The following RASGRF1 variants were observed in gnomAD, a reference collection of about 807,000 sequenced individuals.
The protein encoded by RASGRF1 is Ras protein specific guanine nucleotide releasing factor 1.
A neutral mutation model predicts 138.7 loss-of-function variants in RASGRF1; 40 were observed. The ratio of observed to expected loss-of-function variants is 0.29; its 90% CI spans 0.22 to 0.38. RASGRF1 has a LOEUF of 0.38. RASGRF1 is among the 10% of genes least tolerant of loss of function. The pLI is 1.00. For synonymous variants in RASGRF1, 614 were observed against 663.2 expected (o/e 0.93, Z 1.14); for missense variants, 1,108 against 1,650.4 (o/e 0.67, Z 5.69).
Position 79,032,006 on chromosome 15 carries a change from C to T in RASGRF1, c.1152+117G>A, listed in dbSNP as rs554712217. On this transcript the variant is annotated intron_variant, in intron 7 of 26. Transcript: ENST00000558480. This position sits in a 1 kb window ranked among gnomAD's most constrained non-coding sequence, Gnocchi z 4.5. ...GGCTGCTGGCCCTGACCACCTCCCC[C>T]GCCCCCTTTGGCAGCCCAGAGCTGG... 4.8e-5 allele frequency: 61 copies of T among 1,275,558 alleles called. No individual in the cohort carries two copies. Among genetic ancestry groups the T allele is most frequent in the Admixed American group, 1.2e-4 (5 of 41,694 alleles). The allele number at this position is 1,275,558 out of a possible 1,614,324, so 79.0% of individuals were successfully genotyped here.
chr15:78,988,458 G>A (rs919017070), intron 22 of RASGRF1, among the ~76,000 whole-genome samples: 2 of 152,194 alleles, frequency 1.3e-5, no homozygotes, highest in Admixed American at 1.3e-4. Context: ...AGAGGCACAC[G>A]AGTCTCCTTT....
rs773404839 is a variant in RASGRF1, at chr15:78,964,012, C to T, written c.3682-1776G>A. Among the ~76,000 whole-genome samples, 6 of 151,980 alleles carry T rather than the reference C, an allele frequency of 3.9e-5. 1 individual carries two copies. The South Asian group carries it at 1.0e-3, about 26-fold the overall frequency. On this transcript the variant is annotated intron_variant, in intron 26 of 26. Coordinates refer to ENST00000558480, the MANE Select transcript of RASGRF1 (RefSeq NM_001145648.3). ...TGTGCAGGATCAATTTTAGTAGAGA[C>T]GGGGTTTTGTCATGTTGGCCAGGCT... is the stretch of plus-strand genomic sequence containing the variant.
At position 79,088,287 on chromosome 15, in the gene RASGRF1, C is replaced by T. The variant is rs75368199; in HGVS notation, c.276+1936G>A. Among the ~76,000 whole-genome samples, 1,349 of 152,246 alleles carry T rather than the reference C, an allele frequency of 8.9e-3. 24 individuals are homozygous for T. Among genetic ancestry groups the T allele is most frequent in the African/African-American group, 0.029 (1,187 of 41,536 alleles). ...CATCTGGTGACCTAAATAGCTCTGT[C>T]CAGGTGGGTATAATTCAGATTCAAC... On this transcript the variant is annotated intron_variant, in intron 1 of 26. Coordinates refer to ENST00000558480, the MANE Select transcript of RASGRF1 (RefSeq NM_001145648.3).
chr15:78,982,070 G>A (rs2056046241), intron 23 of RASGRF1, among the ~76,000 whole-genome samples: 1 of 152,166 alleles, frequency 6.6e-6, no homozygotes, highest in Non-Finnish European at 1.5e-5. Flanking sequence ...ACCTATCCCT[G>A]GCATGCCGAC....
chr15:78,971,844 AC>A (rs2055767185), intron 26 of RASGRF1, 21 bp downstream of exon 26: 1 of 1,549,490 alleles, frequency 6.5e-7, no homozygotes, highest in South Asian at 1.1e-5. Flanking sequence ...CATGCAAGTG[AC>A]CAGGAAAAGG....
intron 13 of RASGRF1, among the ~76,000 whole-genome samples, chr15:79,010,444 C>T (rs2056773939): frequency 6.6e-6 from 1 of 152,204 alleles, no homozygotes; most frequent in Non-Finnish European, 1.5e-5. Flanking sequence ...CAGAGCTGTG[C>T]TTCCAGACTC....
rs1443258704 is a variant in RASGRF1, at chr15:78,978,926, A to C, written c.3494+1694T>G. On this transcript the variant is annotated intron_variant, in intron 24 of 26. Transcript: ENST00000558480. ...GCAGGGGAATGTGGGAGAGACACTTACACGGGCCCACAGGCCACCTGAAAG... is the reference window on the plus strand; with the variant it reads ...GCAGGGGAATGTGGGAGAGACACTTCCACGGGCCCACAGGCCACCTGAAAG... The C allele has an allele frequency of 7.8e-6, 10 of 1,274,018 alleles. No individual in the cohort carries two copies. In the Admixed American group the frequency reaches 2.3e-4, roughly 30 times the overall value. The allele number at this position is 1,274,018 out of a possible 1,614,324, so 78.9% of individuals were successfully genotyped here. A position where few individuals can be genotyped will look rare whatever the true frequency, so the allele number is the denominator to read the frequency against.
chr15:79,074,138 C>T (rs1002103030), intron 1 of RASGRF1, among the ~76,000 whole-genome samples: 4 of 152,200 alleles, frequency 2.6e-5, no homozygotes, highest in African/African-American at 7.2e-5. Context: ...TCCCTTGGGG[C>T]GCTTGCTAAA....
At chr15:79,033,800 G>A (rs989673994) in intron 6 of RASGRF1, among the ~76,000 whole-genome samples, 1 of 151,942 alleles carries the variant, frequency 6.6e-6, no homozygotes, top group Non-Finnish European at 1.5e-5. Context: ...ATGTTGGCCA[G>A]GCTGGTCTCG....
At chr15:79,059,293 C>CCTATCCTTCCCTTCCCTTCT (rs2057558723) in intron 2 of RASGRF1, among the ~76,000 whole-genome samples, 1 of 132,412 alleles carries the variant, frequency 7.6e-6, no homozygotes, top group Non-Finnish European at 1.7e-5. Context: ...CCTTCCCTTC[C>CCTATCCTTCCCTTCCCTTCT]CTATCCTTCC....
chr15:78,982,157 T>C (rs1336531083), intron 23 of RASGRF1, among the ~76,000 whole-genome samples: 3 of 152,154 alleles, frequency 2.0e-5, no homozygotes, highest in African/African-American at 7.2e-5. Flanking sequence ...GTCCAGGTGT[T>C]CCCTAAGGCA....
chr15:79,015,690 A>G (rs554301063), intron 12 of RASGRF1, among the ~76,000 whole-genome samples: 1 of 152,350 alleles, frequency 6.6e-6, no homozygotes, highest in Non-Finnish European at 1.5e-5. Flanking sequence ...CACTGGGTTG[A>G]TTACAAACAA....
chr15:79,007,865 CT>C (rs576133293), intron 13 of RASGRF1, among the ~76,000 whole-genome samples: 144 of 142,290 alleles, frequency 1.0e-3, no homozygotes, highest in East Asian at 4.5e-3. Context: ...TCTAGTTTTT[CT>C]TTTTTTTTTT....
rs1026812712 is a variant in RASGRF1, at chr15:79,032,372, C to T, written c.959-56G>A. 3.9e-6 allele frequency: 6 copies of T among 1,550,202 alleles called. No homozygotes were observed. The Admixed American group carries it at 6.9e-5, about 18-fold the overall frequency. On this transcript the variant is annotated intron_variant, in intron 6 of 26. Coordinates refer to ENST00000558480, the MANE Select transcript of RASGRF1 (RefSeq NM_001145648.3). This position sits in a 1 kb window ranked among gnomAD's most constrained non-coding sequence, Gnocchi z 4.5. ...AGGGCAGCTTGGTGGGGACAGAATCCCCTAGGCCCTTGGCTCCCCCAGCTA... is the reference window on the plus strand; with the variant it reads ...AGGGCAGCTTGGTGGGGACAGAATCTCCTAGGCCCTTGGCTCCCCCAGCTA...
chr15:79,087,671 G>T (rs1325927329), intron 1 of RASGRF1, among the ~76,000 whole-genome samples: 1 of 152,250 alleles, frequency 6.6e-6, no homozygotes, highest in Non-Finnish European at 1.5e-5. Context: ...ATGCCATGGG[G>T]CACCCAAGTC....
intron 11 of RASGRF1, 118 bp downstream of exon 11, chr15:79,019,923 C>T (rs752587973): frequency 3.3e-4 from 412 of 1,264,608 alleles, no homozygotes; most frequent in Non-Finnish European, 4.4e-4. Context: ...ACCTCCCCTC[C>T]GCACTTCAGC....
chr15:79,020,231 G>C, intron 10 of RASGRF1, 127 bp from the exon 11 acceptor site: 2 of 829,492 alleles, frequency 2.4e-6, no homozygotes, highest in East Asian at 5.0e-5. Context: ...ATGTATGGAT[G>C]GATATATTAT....
rs570513508 is a variant in RASGRF1, at chr15:79,015,513, A to G, written c.1744-104T>C. 9 of 1,020,480 alleles carry G rather than the reference A, an allele frequency of 8.8e-6. No individual in the cohort carries two copies. In the East Asian group the frequency reaches 2.2e-4, roughly 25 times the overall value. The allele number at this position is 1,020,480 out of a possible 1,614,324, so 63.2% of individuals were successfully genotyped here. ...AAGTTCACATGCCTCAGTCTGATAC[A>G]GGGTCCTCAAGCTTCAAGGGCATTG... On this transcript the variant is annotated intron_variant, in intron 12 of 26. Transcript: ENST00000558480.
At chr15:79,062,982 T>C (rs994694949) in intron 2 of RASGRF1, among the ~76,000 whole-genome samples, 2 of 152,156 alleles carry the variant, frequency 1.3e-5, no homozygotes, top group Non-Finnish European at 2.9e-5. Flanking sequence ...AGCATTTCAA[T>C]GCTACCAATC....
Sources: allele counts gnomAD v4.1 joint callset (sites outside exome capture counted in the v4.1 genomes callset), GRCh38; gene constraint gnomAD v4.1.1; non-coding constraint Gnocchi (gnomAD v3.1); transcripts MANE v1.5; gene names NCBI Gene and HGNC (gene_info 2026-07-23, HGNC 2026-07-21).